The following CHST11 variants were observed in gnomAD, a reference collection of about 807,000 sequenced individuals.
CHST11 encodes the protein carbohydrate sulfotransferase 11.
Under a neutral mutation model 30.4 loss-of-function variants are expected in CHST11, and 9 were observed. The observed-to-expected ratio is 0.30, with a 90% CI of 0.18 to 0.52. The LOEUF is 0.52. Ranked by LOEUF, CHST11 falls within the 20% of genes least tolerant of loss-of-function variation. CHST11 has a pLI of 0.97. For missense variants in CHST11, 348 were observed against 460.6 expected (o/e 0.76, Z 2.24); for synonymous variants, 152 against 187.8 (o/e 0.81, Z 1.56).
At chr12:104,674,343 A>G (rs1266136676) in intron 2 of CHST11, among the ~76,000 whole-genome samples, 1 of 152,220 alleles carries the variant, frequency 6.6e-6, no homozygotes, top group Non-Finnish European at 1.5e-5. Context: ...CCACCCTGCC[A>G]TAGCACTTAC....
intron 2 of CHST11, among the ~76,000 whole-genome samples, chr12:104,637,329 A>G (rs1267350788): frequency 3.8e-5 from 2 of 52,580 alleles, no homozygotes; most frequent in Non-Finnish European, 7.5e-5. Flanking sequence ...AAAAAAAAAA[A>G]AAAAAAGGGG....
intron 1 of CHST11, among the ~76,000 whole-genome samples, chr12:104,481,216 G>A (rs1471007716): frequency 1.3e-5 from 2 of 152,188 alleles, no homozygotes; most frequent in Non-Finnish European, 2.9e-5. Context: ...ACTGAGGCCT[G>A]CCTGGTCCCA....
At chr12:104,505,326 C>A (rs1286813966) in intron 1 of CHST11, among the ~76,000 whole-genome samples, 4 of 151,920 alleles carry the variant, frequency 2.6e-5, no homozygotes, top group East Asian at 1.9e-4. Context: ...TGGAACAGCA[C>A]CCCCCACACC....
At chr12:104,510,185 C>T (rs1160319366) in intron 1 of CHST11, among the ~76,000 whole-genome samples, 1 of 152,184 alleles carries the variant, frequency 6.6e-6, no homozygotes, top group Non-Finnish European at 1.5e-5. Flanking sequence ...TTTAGTAAGA[C>T]CTCACACATC....
intron 1 of CHST11, among the ~76,000 whole-genome samples, chr12:104,574,350 C>T (rs1226618115): frequency 6.6e-6 from 1 of 152,134 alleles, no homozygotes; most frequent in Non-Finnish European, 1.5e-5. Context: ...ACCCAGCCAT[C>T]CCATTACTGG....
At chr12:104,659,472 A>T (rs181058510) in intron 2 of CHST11, among the ~76,000 whole-genome samples, 18 of 152,254 alleles carry the variant, frequency 1.2e-4, no homozygotes, top group African/African-American at 4.3e-4. Flanking sequence ...TCAGGGTGGT[A>T]GCCCTGAGCT....
intron 2 of CHST11, among the ~76,000 whole-genome samples, chr12:104,689,715 C>G (rs1192670654): frequency 6.6e-6 from 1 of 152,138 alleles, no homozygotes; most frequent in Non-Finnish European, 1.5e-5. Context: ...CTGGGAGAGA[C>G]AGAGCCCTAT....
At chr12:104,686,204 C>T (rs1391718250) in intron 2 of CHST11, among the ~76,000 whole-genome samples, 1 of 125,754 alleles carries the variant, frequency 8.0e-6, no homozygotes, top group Non-Finnish European at 1.6e-5. Context: ...TGCACTTCAA[C>T]GTGATCACAA....
intron 2 of CHST11, among the ~76,000 whole-genome samples, chr12:104,748,604 A>G (rs2040406720): frequency 6.6e-6 from 1 of 150,784 alleles, no homozygotes; most frequent in Non-Finnish European, 1.5e-5. Context: ...CGGGGGAGAG[A>G]TGGCCGTGTG....
At chr12:104,646,930 C>T (rs1204236550) in intron 2 of CHST11, among the ~76,000 whole-genome samples, 1 of 152,186 alleles carries the variant, frequency 6.6e-6, no homozygotes, top group Non-Finnish European at 1.5e-5. Flanking sequence ...GAGGATACAA[C>T]AGTGAGCAAA....
chr12:104,511,149 C>G (rs1388150217), intron 1 of CHST11, among the ~76,000 whole-genome samples: 2 of 151,632 alleles, frequency 1.3e-5, no homozygotes, highest in Non-Finnish European at 2.9e-5. Context: ...GAATCAGTCT[C>G]CACTTTCAGA....
intron 2 of CHST11, among the ~76,000 whole-genome samples, chr12:104,639,506 A>G (rs2039355591): frequency 6.6e-6 from 1 of 152,172 alleles, no homozygotes. Flanking sequence ...TGAGGCAGCC[A>G]AGCTAGGAGG....
chr12:104,628,590 G>A (rs1352546493), intron 2 of CHST11, among the ~76,000 whole-genome samples: 1 of 152,120 alleles, frequency 6.6e-6, no homozygotes, highest in Non-Finnish European at 1.5e-5. Flanking sequence ...CGGCTCTAAT[G>A]AGCAGCATCA....
At chr12:104,532,186 T>C (rs561404941) in intron 1 of CHST11, among the ~76,000 whole-genome samples, 3 of 152,346 alleles carry the variant, frequency 2.0e-5, no homozygotes, top group Admixed American at 2.0e-4. Flanking sequence ...ACAGCATGAC[T>C]TGAAGTTGCC....
intron 1 of CHST11, among the ~76,000 whole-genome samples, chr12:104,521,209 T>C (rs1254017664): frequency 2.0e-5 from 3 of 152,196 alleles, no homozygotes; most frequent in Non-Finnish European, 4.4e-5. Flanking sequence ...AAGGTGAACA[T>C]TCTTCTTCTC....
chr12:104,513,017 A>G (rs2037981294), intron 1 of CHST11, among the ~76,000 whole-genome samples: 1 of 151,650 alleles, frequency 6.6e-6, no homozygotes, highest in South Asian at 2.1e-4. Flanking sequence ...TAGCTAGGTC[A>G]TTGGTTTGTA....
chr12:104,686,409 A>T (rs1434204663), intron 2 of CHST11, among the ~76,000 whole-genome samples: 1 of 152,122 alleles, frequency 6.6e-6, no homozygotes, highest in Non-Finnish European at 1.5e-5. Context: ...GGTGCAGAAG[A>T]CAGTAAAGAC....
At chr12:104,482,727 G>T (rs962882042) in intron 1 of CHST11, among the ~76,000 whole-genome samples, 1 of 152,120 alleles carries the variant, frequency 6.6e-6, no homozygotes, top group Non-Finnish European at 1.5e-5. Context: ...CATGTTACCT[G>T]GACAAAGACA....
intron 2 of CHST11, among the ~76,000 whole-genome samples, chr12:104,698,050 C>T (rs1406581123): frequency 6.6e-6 from 1 of 152,328 alleles, no homozygotes; most frequent in East Asian, 1.9e-4. Context: ...TTACTGGTCT[C>T]CTGGCGTCAA....
Sources: allele counts gnomAD v4.1 joint callset (sites outside exome capture counted in the v4.1 genomes callset), GRCh38; gene constraint gnomAD v4.1.1; transcripts MANE v1.5; gene names NCBI Gene and HGNC (gene_info 2026-07-23, HGNC 2026-07-21).